The following TMEM132C variants were observed in gnomAD, a reference collection of about 807,000 sequenced individuals.
The protein encoded by TMEM132C is transmembrane protein 132C, also known as protein phosphatase 1, regulatory subunit 152.
Under a neutral mutation model 61.4 loss-of-function variants are expected in TMEM132C, and 29 were observed. That is an observed-to-expected ratio of 0.47 (90% CI 0.35 to 0.64). TMEM132C has a LOEUF of 0.64. Ranked by LOEUF, TMEM132C falls within the 30% of genes least tolerant of loss-of-function variation. TMEM132C has a pLI of 0.00. For synonymous variants in TMEM132C, 656 were observed against 633.1 expected, an observed-to-expected ratio of 1.04 and a Z score of -0.54; for missense variants, 1,408 against 1,476.9, an observed-to-expected ratio of 0.95 and a Z score of 0.76.
At position 128,330,439 on chromosome 12, in the gene TMEM132C, G is replaced by A. The variant is rs1340442827; in HGVS notation, c.85+62952G>A. Among the ~76,000 whole-genome samples the A allele has an allele frequency of 5.9e-5, 9 of 152,266 alleles. No homozygotes were observed. In the East Asian group the frequency reaches 1.7e-3, roughly 29 times the overall value. On this transcript the variant is annotated intron_variant, in intron 1 of 8. Coordinates refer to ENST00000435159, the MANE Select transcript of TMEM132C (RefSeq NM_001136103.3). ...ATAGTGGTGTGCACCTGTAGTCCCT[G>A]CTACTGAGGAGGCTGAGGCAGGAGG...
chr12:128,577,981 T>C (rs186977510), intron 3 of TMEM132C, among the ~76,000 whole-genome samples: 3 of 152,382 alleles, frequency 2.0e-5, no homozygotes, highest in African/African-American at 7.2e-5. Context: ...ACTATTATTA[T>C]TTAGTTTGTC....
At chr12:128,302,269 G>C (rs540220023) in intron 1 of TMEM132C, among the ~76,000 whole-genome samples, 1 of 152,172 alleles carries the variant, frequency 6.6e-6, no homozygotes, top group Non-Finnish European at 1.5e-5. Flanking sequence ...TTGGGTCTTG[G>C]AAGGAGCTGA....
chr12:128,371,752 A>T (rs567010274), intron 1 of TMEM132C, among the ~76,000 whole-genome samples: 26 of 152,040 alleles, frequency 1.7e-4, no homozygotes, highest in Admixed American at 7.9e-4. Context: ...TATTTTTAAA[A>T]TTTTTTTATA....
At chr12:128,429,736 G>T (rs527407496) in intron 2 of TMEM132C, among the ~76,000 whole-genome samples, 2 of 152,318 alleles carry the variant, frequency 1.3e-5, no homozygotes, top group Non-Finnish European at 2.9e-5. Context: ...TCAGAGAGGG[G>T]TATTCAAAGA....
At chr12:128,560,187 C>T (rs1280474498) in intron 3 of TMEM132C, among the ~76,000 whole-genome samples, 1 of 152,212 alleles carries the variant, frequency 6.6e-6, no homozygotes, top group Non-Finnish European at 1.5e-5. Flanking sequence ...ACAGAAGCTG[C>T]AGTAAGCCCT....
intron 2 of TMEM132C, among the ~76,000 whole-genome samples, chr12:128,491,670 C>T (rs886318624): frequency 4.6e-5 from 7 of 152,110 alleles, no homozygotes; most frequent in African/African-American, 1.2e-4. Context: ...CAGGGGCTTG[C>T]GGACCTGGTG....
intron 1 of TMEM132C, among the ~76,000 whole-genome samples, chr12:128,374,369 C>T (rs910422942): frequency 3.9e-5 from 6 of 152,126 alleles, no homozygotes; most frequent in Non-Finnish European, 4.4e-5. Context: ...GTTGTCTGGG[C>T]GGAGCCATTG....
intron 1 of TMEM132C, among the ~76,000 whole-genome samples, chr12:128,299,202 A>G (rs143106013): frequency 1.6e-4 from 24 of 152,206 alleles, no homozygotes; most frequent in African/African-American, 4.1e-4. Flanking sequence ...GATATTGGTC[A>G]TGAGACTCAC....
chr12:128,336,369 T>C (rs1872791527), intron 1 of TMEM132C, among the ~76,000 whole-genome samples: 1 of 152,216 alleles, frequency 6.6e-6, no homozygotes, highest in Non-Finnish European at 1.5e-5. Flanking sequence ...CAATCTGTAC[T>C]CTGGGAGGGG....
chr12:128,705,151 A>G lies in TMEM132C; in HGVS notation c.2183A>G (p.Tyr728Cys). The change falls in exon 9 of 9, where the codon TAC becomes TGC. Residue 728 changes from tyrosine to cysteine, a missense_variant. Coordinates refer to ENST00000435159, the MANE Select transcript of TMEM132C (RefSeq NM_001136103.3). ...SDGSVTPLDI[Y>C]DTKDFSLAAT... is the part of the protein sequence containing the mutation. ...GGCTCTGTGACGCCCCTGGACATCT[A>G]CGACACCAAGGACTTCTCCCTGGCA... is the stretch of plus-strand genomic sequence containing the variant. The G allele has an allele frequency of 6.4e-7, 1 of 1,551,450 alleles. No individual in the cohort carries two copies. The highest frequency in any genetic ancestry group is 8.7e-7 in the Non-Finnish European group (1 of 1,146,876).
chr12:128,619,585 GT>G (rs894616263), intron 4 of TMEM132C, among the ~76,000 whole-genome samples: 4 of 152,208 alleles, frequency 2.6e-5, no homozygotes, highest in African/African-American at 9.6e-5. Context: ...CTCTTGCCTT[GT>G]GAGGGCAGGA....
chr12:128,467,945 A>T (rs980295413), intron 2 of TMEM132C, among the ~76,000 whole-genome samples: 1 of 152,148 alleles, frequency 6.6e-6, no homozygotes, highest in Non-Finnish European at 1.5e-5. Flanking sequence ...CATCAATCAG[A>T]CGGTCATACA....
rs918347218 is a variant in TMEM132C at position 128,303,725 on chromosome 12, A to G, written c.85+36238A>G. Among the ~76,000 whole-genome samples, 11 of 152,284 alleles carry G rather than the reference A, an allele frequency of 7.2e-5. No homozygotes were observed. The East Asian group carries it at 2.1e-3, about 29-fold the overall frequency. Reference sequence around the variant, plus strand: ...GGCTTGACATTTTTCAGCTCTTACCATCAAAAGGTAGAGTCTTATTTTTCT... The same window carrying G: ...GGCTTGACATTTTTCAGCTCTTACCGTCAAAAGGTAGAGTCTTATTTTTCT... On this transcript the variant is annotated intron_variant, in intron 1 of 8. Coordinates refer to ENST00000435159, the MANE Select transcript of TMEM132C (RefSeq NM_001136103.3).
At chr12:128,398,682 G>T (rs1469060260) in intron 1 of TMEM132C, among the ~76,000 whole-genome samples, 1 of 152,116 alleles carries the variant, frequency 6.6e-6, no homozygotes, top group Non-Finnish European at 1.5e-5. Flanking sequence ...ATCTCTCTGG[G>T]CCTCAATCTC....
At chr12:128,280,970 T>C (rs1386940526) in intron 1 of TMEM132C, among the ~76,000 whole-genome samples, 1 of 152,158 alleles carries the variant, frequency 6.6e-6, no homozygotes, top group Non-Finnish European at 1.5e-5. Flanking sequence ...TTACCCACAT[T>C]TGAGACCAGA....
Position 128,276,721 on chromosome 12 carries a change from T to C in TMEM132C, c.85+9234T>C, listed in dbSNP as rs554869712. ...TTTTGCTGTGTTTCCTCACTGTCTC[T>C]GCGGACCCAGATGCTGTAGAAATGT... On this transcript the variant is annotated intron_variant, in intron 1 of 8. Transcript: ENST00000435159. Among the ~76,000 whole-genome samples, 5 of 152,348 alleles carry C rather than the reference T, an allele frequency of 3.3e-5. No homozygotes were observed. The East Asian group carries it at 9.6e-4, about 29-fold the overall frequency.
intron 3 of TMEM132C, among the ~76,000 whole-genome samples, chr12:128,547,850 T>C (rs1046473690): frequency 4.6e-5 from 7 of 152,224 alleles, no homozygotes; most frequent in Non-Finnish European, 8.8e-5. Flanking sequence ...CATTCCCATC[T>C]GTAGCTGTTT....
chr12:128,679,075 C>T (rs952277296), intron 5 of TMEM132C, among the ~76,000 whole-genome samples: 1 of 152,140 alleles, frequency 6.6e-6, no homozygotes, highest in African/African-American at 2.4e-5. Context: ...TGCATAGATG[C>T]TACTCAAAGA....
At chr12:128,429,367 G>A (rs1453643146) in intron 2 of TMEM132C, among the ~76,000 whole-genome samples, 1 of 152,178 alleles carries the variant, frequency 6.6e-6, no homozygotes, top group Non-Finnish European at 1.5e-5. Context: ...ATGAATAAAT[G>A]GTTGATTGCC....
Sources: gnomAD v4.1 joint callset for allele counts (sites outside exome capture counted in the v4.1 genomes callset) on GRCh38, gnomAD v4.1.1 for gene constraint, MANE v1.5 for transcripts, NCBI Gene and HGNC (gene_info 2026-07-23, HGNC 2026-07-21) for gene names.